DOCK3: variants seen among roughly 807,000 people sequenced by gnomAD.
DOCK3 encodes dedicator of cytokinesis 3.
DOCK3 carries 60 observed loss-of-function variants against 265.6 expected under a neutral mutation model. The observed-to-expected ratio is 0.23, with a 90% confidence interval of 0.18 to 0.28. The LOEUF is 0.28. Among genes scored for constraint, DOCK3 ranks in the 10% least tolerant of loss-of-function variants. The probability of loss-of-function intolerance (pLI) is 1.00; values close to 1 mark genes in which losing one functional copy is unlikely to be tolerated. For synonymous variants in DOCK3, 881 were observed against 938.0 expected, an observed-to-expected ratio of 0.94 and a Z score of 1.11; for missense variants, 1,981 against 2,594.3, an observed-to-expected ratio of 0.76 and a Z score of 5.14.
intron 2 of DOCK3, among the ~76,000 whole-genome samples, chr3:50,791,238 C>T (rs1379266051): frequency 7.1e-6 from 1 of 141,406 alleles, no homozygotes; most frequent in African/African-American, 2.6e-5. Flanking sequence ...TTGGGGTTTA[C>T]ATTTAAGTGT....
chr3:51,205,492 G>A (rs1468402674), intron 12 of DOCK3, among the ~76,000 whole-genome samples: 4 of 150,224 alleles, frequency 2.7e-5, no homozygotes, highest in African/African-American at 9.8e-5. Context: ...TCAGGAGTTC[G>A]AGACCAGCCT....
chr3:50,811,010 A>G (rs114646090), intron 2 of DOCK3, among the ~76,000 whole-genome samples: 2,609 of 152,338 alleles, frequency 0.017, 49 homozygotes, highest in Non-Finnish European at 0.022. Flanking sequence ...AAAATAAAAA[A>G]TCTAGTCACA....
chr3:50,895,620 C>T (rs1216399736), intron 4 of DOCK3, among the ~76,000 whole-genome samples: 10 of 152,076 alleles, frequency 6.6e-5, no homozygotes, highest in Admixed American at 2.0e-4. Flanking sequence ...CACCCATCAA[C>T]CCGTCATCAA....
intron 16 of DOCK3, 87 bp downstream of exon 16, chr3:51,227,532 T>C (rs971836961): frequency 2.1e-5 from 33 of 1,545,268 alleles, no homozygotes; most frequent in Non-Finnish European, 2.7e-5. Context: ...TGGATTCTTA[T>C]TTGGGCAAGA....
chr3:51,250,167 C>G (rs2079125497), intron 22 of DOCK3, among the ~76,000 whole-genome samples: 1 of 151,462 alleles, frequency 6.6e-6, no homozygotes, highest in African/African-American at 2.4e-5. Context: ...CCTAGGAAAA[C>G]CAGAGACCTT....
Position 50,778,472 on chromosome 3 carries a change from C to T in DOCK3, c.38-203C>T, listed in dbSNP as rs142294535. On this transcript the variant is annotated intron_variant, in intron 1 of 52. Transcript: ENST00000266037. The stretch of plus-strand genomic sequence containing the variant: ...CCACCACTCATGGATAGCAATTTTC[C>T]CACAATGTATTTTATTGTCCCAAAC... Among the ~76,000 whole-genome samples the T allele has an allele frequency of 2.4e-4, 37 of 152,200 alleles. No individual in the cohort carries two copies. The East Asian group carries it at 5.0e-3, about 21-fold the overall frequency.
At chr3:51,043,211 C>T (rs752260283) in intron 5 of DOCK3, among the ~76,000 whole-genome samples, 20 of 152,170 alleles carry the variant, frequency 1.3e-4, no homozygotes, top group Non-Finnish European at 2.4e-4. Context: ...GTAACCAAAG[C>T]AGCATGGTAC....
At chr3:51,026,443 T>C (rs1364830903) in intron 5 of DOCK3, among the ~76,000 whole-genome samples, 1 of 151,996 alleles carries the variant, frequency 6.6e-6, no homozygotes, top group Non-Finnish European at 1.5e-5. Flanking sequence ...GTTTTTTTTT[T>C]TTTTTTATTG....
intron 3 of DOCK3, chr3:50,881,284 C>G (rs1461763016): frequency 2.0e-5 from 3 of 152,178 alleles, no homozygotes; most frequent in Non-Finnish European, 4.4e-5. Flanking sequence ...CCAGGGCAAT[C>G]AGGCAAGAGA....
intron 12 of DOCK3, among the ~76,000 whole-genome samples, chr3:51,162,131 G>C (rs2086172190): frequency 6.6e-6 from 1 of 152,108 alleles, no homozygotes; most frequent in African/African-American, 2.4e-5. Flanking sequence ...TCATCTTTCA[G>C]TTTAAAAACC....
intron 9 of DOCK3, among the ~76,000 whole-genome samples, chr3:51,101,527 G>T (rs1259792970): frequency 6.6e-6 from 1 of 152,206 alleles, no homozygotes; most frequent in Non-Finnish European, 1.5e-5. Context: ...GAACAAAGTG[G>T]TGGTAAACTT....
At chr3:51,264,939 AATAG>A (rs1264085467) in intron 23 of DOCK3, among the ~76,000 whole-genome samples, 3 of 152,110 alleles carry the variant, frequency 2.0e-5, no homozygotes, top group East Asian at 1.9e-4. Flanking sequence ...AGATTAACAA[AATAG>A]ATAGACTGCT....
chr3:50,979,252 C>A (rs1254980240), intron 5 of DOCK3, among the ~76,000 whole-genome samples: 2 of 152,074 alleles, frequency 1.3e-5, no homozygotes, highest in African/African-American at 2.4e-5. Context: ...TCTTTTACTT[C>A]CTTAGTTAAA....
intron 4 of DOCK3, among the ~76,000 whole-genome samples, chr3:50,930,264 TA>T (rs2050984806): frequency 6.6e-6 from 1 of 152,250 alleles, no homozygotes; most frequent in East Asian, 1.9e-4. Context: ...AACACTCCTT[TA>T]ACATCACTCA....
chr3:51,029,624 G>A (rs995690640), intron 5 of DOCK3, among the ~76,000 whole-genome samples: 5 of 152,202 alleles, frequency 3.3e-5, no homozygotes, highest in South Asian at 2.1e-4. Context: ...GTCCCAAGGC[G>A]GGGCTTTGGT....
chr3:51,270,820 A>C lies in DOCK3; in HGVS notation c.2361A>C (p.Ala787=), dbSNP rs1375541967. 7 of 1,613,292 alleles carry C rather than the reference A, an allele frequency of 4.3e-6. No individual in the cohort carries two copies. The highest frequency in any genetic ancestry group is 5.9e-6 in the Non-Finnish European group (7 of 1,179,560). Residue 787 remains alanine (A), a synonymous_variant, in exon 24 of 53, where the codon GCA becomes GCC. Transcript: ENST00000266037. Reference sequence around the variant, plus strand: ...AGCTTCATTTGCTTCTGCAGGCTGCACTCCTCAATTCTTTCCCAACCATCT... The same window carrying C: ...AGCTTCATTTGCTTCTGCAGGCTGCCCTCCTCAATTCTTTCCCAACCATCT... ...NSETLLFTQA[A]LLNSFPTIFD... is the part of the protein sequence containing the mutation.
intron 2 of DOCK3, among the ~76,000 whole-genome samples, chr3:50,792,944 C>T (rs2042568682): frequency 6.6e-6 from 1 of 152,116 alleles, no homozygotes; most frequent in Non-Finnish European, 1.5e-5. Flanking sequence ...AGGAGAAGTC[C>T]CTCCTCCTTA....
intron 2 of DOCK3, among the ~76,000 whole-genome samples, chr3:50,796,672 C>T (rs553037340): frequency 1.9e-4 from 29 of 152,234 alleles, no homozygotes; most frequent in African/African-American, 7.0e-4. Flanking sequence ...GGCACTCTGA[C>T]TTTTTGAGTT....
chr3:51,178,084 A>G (rs770815343), intron 12 of DOCK3, among the ~76,000 whole-genome samples: 51 of 151,896 alleles, frequency 3.4e-4, no homozygotes, highest in Non-Finnish European at 5.9e-4. Flanking sequence ...ATATGATATT[A>G]ATAAGAGATT....
Sources: gnomAD v4.1 joint callset for allele counts (sites outside exome capture counted in the v4.1 genomes callset) on GRCh38, gnomAD v4.1.1 for gene constraint, MANE v1.5 for transcripts, NCBI Gene and HGNC (gene_info 2026-07-23, HGNC 2026-07-21) for gene names.